Variants in SPAG16 observed in about 807,000 individuals in gnomAD.
SPAG16 encodes the protein sperm-associated antigen 16 protein.
A neutral mutation model predicts 80.4 loss-of-function variants in SPAG16; 86 were observed. The observed-to-expected ratio is 1.07, with a 90% CI of 0.90 to 1.28. The LOEUF (loss-of-function observed/expected upper bound fraction) is 1.28, where lower values mean the gene tolerates loss of function less well. Ranked by LOEUF, SPAG16 falls within the 50% of genes most tolerant of loss-of-function variation. SPAG16 has a pLI of 0.00. For missense variants in SPAG16, 870 were observed against 765.3 expected, an observed-to-expected ratio of 1.14 and a Z score of -1.61; for synonymous variants, 294 against 265.9, an observed-to-expected ratio of 1.11 and a Z score of -1.03.
At chr2:214,280,248 A>ACTT (rs1692819779) in intron 15 of SPAG16, among the ~76,000 whole-genome samples, 2 of 152,230 alleles carry the variant, frequency 1.3e-5, no homozygotes, top group African/African-American at 4.8e-5. Flanking sequence ...AGAGAGCTAT[A>ACTT]CTTGTTCATC....
intron 10 of SPAG16, among the ~76,000 whole-genome samples, chr2:213,745,534 C>T (rs2067779959): frequency 6.6e-6 from 1 of 152,182 alleles, no homozygotes; most frequent in Non-Finnish European, 1.5e-5. Context: ...TGAGCCACTG[C>T]ACCTGGCCCA....
intron 10 of SPAG16, among the ~76,000 whole-genome samples, chr2:213,589,983 T>C (rs911820378): frequency 1.9e-4 from 29 of 152,122 alleles, no homozygotes; most frequent in Non-Finnish European, 3.8e-4. Flanking sequence ...AGTTTACATT[T>C]TGTCATCTAA....
rs572175030 is a variant in SPAG16, at chr2:214,092,511, A to G, written c.1528-15685A>G. On this transcript the variant is annotated intron_variant, in intron 13 of 15. Coordinates refer to ENST00000331683, the MANE Select transcript of SPAG16 (RefSeq NM_024532.5). Reference sequence around the variant, plus strand: ...TTACTATGAATATATATATAAATATATATATATATATGGCCCTTTATCTGT... The same window carrying G: ...TTACTATGAATATATATATAAATATGTATATATATATGGCCCTTTATCTGT... Among the ~76,000 whole-genome samples, 262 of 150,748 alleles carry G rather than the reference A, an allele frequency of 1.7e-3. 1 individual carries two copies. The highest frequency in any genetic ancestry group is 6.2e-3 in the African/African-American group (254 of 41,264).
chr2:213,941,170 C>T (rs2079183490), intron 12 of SPAG16, among the ~76,000 whole-genome samples: 1 of 152,126 alleles, frequency 6.6e-6, no homozygotes, highest in African/African-American at 2.4e-5. Flanking sequence ...TGATGTCCTT[C>T]CACTGTATGG....
chr2:214,061,411 G>C (rs2050250578), intron 13 of SPAG16, among the ~76,000 whole-genome samples: 1 of 152,176 alleles, frequency 6.6e-6, no homozygotes, highest in Non-Finnish European at 1.5e-5. Flanking sequence ...ATGTATGCAT[G>C]CGTGTGTATA....
chr2:213,919,918 G>C (rs1483236007), intron 11 of SPAG16, among the ~76,000 whole-genome samples: 1 of 152,150 alleles, frequency 6.6e-6, no homozygotes, highest in Non-Finnish European at 1.5e-5. Context: ...TTTTGTAGGA[G>C]TCTAAGTCTC....
At chr2:213,767,660 C>CACAT (rs2069012902) in intron 10 of SPAG16, among the ~76,000 whole-genome samples, 1 of 151,008 alleles carries the variant, frequency 6.6e-6, no homozygotes, top group South Asian at 2.1e-4. Context: ...ATACTTCACA[C>CACAT]ACACACACAC....
chr2:214,024,523 A>G (rs2048037346), intron 13 of SPAG16, among the ~76,000 whole-genome samples: 1 of 151,660 alleles, frequency 6.6e-6, no homozygotes, highest in Non-Finnish European at 1.5e-5. Context: ...GAAGAATAAG[A>G]TAAATGAATT....
chr2:213,924,932 A>G (rs1328269310), intron 11 of SPAG16, among the ~76,000 whole-genome samples: 1 of 151,938 alleles, frequency 6.6e-6, no homozygotes, highest in East Asian at 1.9e-4. Flanking sequence ...TTTTAGATAT[A>G]TTAGATGTTT....
intron 15 of SPAG16, among the ~76,000 whole-genome samples, chr2:214,301,028 TATAATAATAATAATAATA>T (rs71037363): frequency 2.4e-4 from 34 of 141,844 alleles, no homozygotes; most frequent in African/African-American, 7.9e-4. Context: ...AAACTTAAAG[TATAATAATAATAATAATA>T]ATAATAATAA....
chr2:213,424,767 G>A (rs1383297600), intron 9 of SPAG16, among the ~76,000 whole-genome samples: 1 of 152,138 alleles, frequency 6.6e-6, no homozygotes, highest in Non-Finnish European at 1.5e-5. Context: ...TTTACAATTT[G>A]AGCTTTGAGA....
At chr2:214,364,555 C>G (rs577438484) in intron 15 of SPAG16, among the ~76,000 whole-genome samples, 22 of 152,242 alleles carry the variant, frequency 1.4e-4, no homozygotes, top group African/African-American at 5.3e-4. Flanking sequence ...TCCTCACCGT[C>G]TTTGCAATGT....
chr2:213,477,074 C>G (rs751727596), intron 9 of SPAG16, among the ~76,000 whole-genome samples: 1 of 151,408 alleles, frequency 6.6e-6, no homozygotes, highest in African/African-American at 2.4e-5. Flanking sequence ...TGGGTGGGCT[C>G]GAAAAAGGCA....
chr2:214,409,693 G>A (rs919023424), intron 15 of SPAG16, among the ~76,000 whole-genome samples: 1 of 152,160 alleles, frequency 6.6e-6, no homozygotes, highest in South Asian at 2.1e-4. Context: ...GTAATGATTA[G>A]CATAATTATT....
intron 10 of SPAG16, among the ~76,000 whole-genome samples, chr2:213,676,045 A>G (rs994566800): frequency 6.6e-5 from 10 of 151,968 alleles, no homozygotes; most frequent in Non-Finnish European, 4.4e-5. Context: ...ATTTGTTTGT[A>G]TCCTCTTTTA....
chr2:213,732,465 C>T (rs1371004102), intron 10 of SPAG16, among the ~76,000 whole-genome samples: 4 of 152,212 alleles, frequency 2.6e-5, no homozygotes, highest in Non-Finnish European at 5.9e-5. Flanking sequence ...GTTTTGGTTA[C>T]TATAGCCCTA....
In SPAG16 at chr2:213,862,425, A is replaced by G. The variant is rs1407294587; in HGVS notation, c.1071-60A>G. 1.5e-5 allele frequency: 23 copies of G among 1,579,736 alleles called. No homozygotes were observed. The East Asian group carries it at 1.6e-4, about 11-fold the overall frequency. Reference sequence around the variant, plus strand: ...ATAATCACTGCCATTTCATTTATTCATATTCTGAAAACATTTGCTATTATC... The same window carrying G: ...ATAATCACTGCCATTTCATTTATTCGTATTCTGAAAACATTTGCTATTATC... On this transcript the variant is annotated intron_variant, in intron 10 of 15. Transcript: ENST00000331683.
At chr2:213,822,747 G>A (rs1468817834) in intron 10 of SPAG16, among the ~76,000 whole-genome samples, 3 of 152,020 alleles carry the variant, frequency 2.0e-5, no homozygotes, top group African/African-American at 7.2e-5. Flanking sequence ...CCCCCAACAG[G>A]CCCTGGTGTG....
intron 10 of SPAG16, among the ~76,000 whole-genome samples, chr2:213,703,343 G>A (rs1430848630): frequency 6.6e-6 from 1 of 152,118 alleles, no homozygotes; most frequent in African/African-American, 2.4e-5. Flanking sequence ...CCTTTTTCAT[G>A]TTCTCACCTA....
Sources: gnomAD v4.1 joint callset for allele counts (sites outside exome capture counted in the v4.1 genomes callset) on GRCh38, gnomAD v4.1.1 for gene constraint, MANE v1.5 for transcripts, NCBI Gene and HGNC (gene_info 2026-07-23, HGNC 2026-07-21) for gene names.